The following CTNNA2 variants were observed in gnomAD, a reference collection of about 807,000 sequenced individuals.
The protein encoded by CTNNA2 is catenin alpha-2.
A neutral mutation model predicts 101.0 loss-of-function variants in CTNNA2; 42 were observed. The observed-to-expected ratio is 0.42, with a 90% CI of 0.32 to 0.54. The LOEUF (loss-of-function observed/expected upper bound fraction) is 0.54. Among genes scored for constraint, CTNNA2 ranks in the 20% least tolerant of loss-of-function variants. The pLI is 0.14. For missense variants in CTNNA2, 871 were observed against 1,223.1 expected (o/e 0.71, Z 4.29); for synonymous variants, 450 against 456.4 (o/e 0.99, Z 0.18).
intron 7 of CTNNA2, among the ~76,000 whole-genome samples, chr2:80,159,749 C>T (rs1480421453): frequency 2.0e-5 from 3 of 152,142 alleles, no homozygotes; most frequent in African/African-American, 7.2e-5. Flanking sequence ...GCTGGGATTA[C>T]AGGTGTGAGC....
intron 2 of CTNNA2, among the ~76,000 whole-genome samples, chr2:79,674,547 C>G (rs1683060823): frequency 6.6e-6 from 1 of 151,984 alleles, no homozygotes; most frequent in South Asian, 2.1e-4. Context: ...AATGAGAATA[C>G]CCTATTAGAT....
At chr2:80,328,329 G>GT (rs763035666) in intron 7 of CTNNA2, 34 of 471,000 alleles carry the variant, frequency 7.2e-5, no homozygotes, top group Non-Finnish European at 1.3e-4. Flanking sequence ...CCTTTCATGT[G>GT]GTGACTTCAA....
intron 8 of CTNNA2, among the ~76,000 whole-genome samples, chr2:80,406,198 A>G (rs1679038306): frequency 6.6e-6 from 1 of 152,168 alleles, no homozygotes; most frequent in Non-Finnish European, 1.5e-5. Context: ...TCTACTAAAA[A>G]TACAAAGTTA....
At chr2:79,267,115 A>C (rs1380155666) in intron 2 of CTNNA2, among the ~76,000 whole-genome samples, 2 of 151,986 alleles carry the variant, frequency 1.3e-5, no homozygotes, top group Admixed American at 1.3e-4. Flanking sequence ...GTGCTTGAGA[A>C]CCTTGAACCC....
At chr2:80,239,479 C>T (rs558034545) in intron 7 of CTNNA2, among the ~76,000 whole-genome samples, 2 of 152,174 alleles carry the variant, frequency 1.3e-5, no homozygotes, top group Non-Finnish European at 2.9e-5. Context: ...ACGGGGAATA[C>T]GTTCCAAGCC....
intron 7 of CTNNA2, among the ~76,000 whole-genome samples, chr2:80,384,953 A>G (rs1027927245): frequency 6.6e-6 from 1 of 152,138 alleles, no homozygotes; most frequent in Non-Finnish European, 1.5e-5. Context: ...GGAGGCATTT[A>G]TTAACTCATG....
rs192196679 is a variant in CTNNA2 at position 80,526,531 on chromosome 2, C to T, written c.1291-18451C>T. 3.1e-3 allele frequency among the ~76,000 whole-genome samples: 472 copies of T among 152,128 alleles called. 1 individual carries two copies. The highest frequency in any genetic ancestry group is 0.011 in the African/African-American group (443 of 41,502). On this transcript the variant is annotated intron_variant, in intron 9 of 18. Transcript: ENST00000402739. ...TATTTTTAGTAGAGATGGGGTTTCA[C>T]CATGTTGGCCAGGCTGGTCTCAAAC...
intron 7 of CTNNA2, among the ~76,000 whole-genome samples, chr2:80,374,882 G>T (rs1461166836): frequency 1.3e-5 from 2 of 152,194 alleles, no homozygotes; most frequent in East Asian, 3.9e-4. Flanking sequence ...ATTTGAGGAT[G>T]GGGGAGACAC....
At chr2:79,597,030 C>A (rs1677233868) in intron 1 of CTNNA2, among the ~76,000 whole-genome samples, 1 of 152,194 alleles carries the variant, frequency 6.6e-6, no homozygotes, top group South Asian at 2.1e-4. Context: ...CACAGAACTT[C>A]CACTGTTTGT....
intron 7 of CTNNA2, among the ~76,000 whole-genome samples, chr2:80,048,872 C>A (rs984019901): frequency 1.3e-5 from 2 of 152,064 alleles, no homozygotes; most frequent in Non-Finnish European, 2.9e-5. Context: ...GAGTGCACAG[C>A]AAGACTTGTG....
intron 3 of CTNNA2, among the ~76,000 whole-genome samples, chr2:79,810,926 A>T (rs946323264): frequency 6.6e-6 from 1 of 151,414 alleles, no homozygotes; most frequent in Non-Finnish European, 1.5e-5. Context: ...CCAGTCTATC[A>T]TTGTTGGACA....
chr2:80,303,946 A>C lies in CTNNA2; in HGVS notation c.1057-89265A>C. 5.3e-6 allele frequency: 6 copies of C among 1,132,396 alleles called. No homozygotes were observed. The South Asian group carries it at 1.4e-4, about 26-fold the overall frequency. The allele number at this position is 1,132,396 out of a possible 1,614,324, so 70.1% of individuals were successfully genotyped here. A position where few individuals can be genotyped will look rare whatever the true frequency, so the allele number is the denominator to read the frequency against. On this transcript the variant is annotated intron_variant, in intron 7 of 18. Coordinates refer to ENST00000402739, the MANE Select transcript of CTNNA2 (RefSeq NM_001282597.3). The surrounding 1 kb of genome is among the most constrained non-coding windows in gnomAD (Gnocchi z 7.7). ...GGAGAAAAGGGCAAAAAATCAAATA[A>C]ATACATAGAAATAAAGAAGGACCCC...
In CTNNA2 at chr2:80,544,976, A is replaced by G; in HGVS notation, c.1291-6A>G. ...CTAATATTCACTAAAATCCTCTTCA[A>G]TACAGGTTGCCAATTTGGCCTGTTC... is the stretch of plus-strand genomic sequence containing the variant. On this transcript the variant is annotated splice_polypyrimidine_tract_variant and splice_region_variant and intron_variant, in intron 9 of 18. Transcript: ENST00000402739. 1 of 1,613,670 alleles carries G rather than the reference A, an allele frequency of 6.2e-7. No homozygotes were observed. The highest frequency in any genetic ancestry group is 8.5e-7 in the Non-Finnish European group (1 of 1,179,718).
At chr2:80,314,367 G>T (rs550188411) in intron 7 of CTNNA2, among the ~76,000 whole-genome samples, 1 of 152,316 alleles carries the variant, frequency 6.6e-6, no homozygotes, top group East Asian at 1.9e-4. Context: ...AGGAATACCA[G>T]TTTGCAGAGC....
intron 3 of CTNNA2, among the ~76,000 whole-genome samples, chr2:79,779,456 A>C (rs1674257563): frequency 6.6e-6 from 1 of 152,146 alleles, no homozygotes; most frequent in Admixed American, 6.5e-5. Context: ...TAGAGCATAT[A>C]AGTAGCAGAT....
At chr2:79,465,322 T>C (rs1670921164) in intron 4 of CTNNA2, among the ~76,000 whole-genome samples, 1 of 152,218 alleles carries the variant, frequency 6.6e-6, no homozygotes, top group South Asian at 2.1e-4. Context: ...TTGAGGGCTC[T>C]GTTCTGTTCC....
intron 15 of CTNNA2, among the ~76,000 whole-genome samples, chr2:80,599,298 TTC>T (rs1491353057): frequency 3.3e-5 from 5 of 152,168 alleles, no homozygotes; most frequent in African/African-American, 1.2e-4. Flanking sequence ...ATTACAGAAA[TTC>T]TGTTAAAATT....
chr2:79,814,301 A>G (rs749537834), intron 3 of CTNNA2, among the ~76,000 whole-genome samples: 5 of 152,126 alleles, frequency 3.3e-5, no homozygotes, highest in Admixed American at 6.6e-5. Flanking sequence ...TAAATTCTTT[A>G]GTGGTGATTT....
At chr2:79,419,729 C>G (rs949990369) in intron 4 of CTNNA2, among the ~76,000 whole-genome samples, 7 of 152,052 alleles carry the variant, frequency 4.6e-5, no homozygotes, top group Admixed American at 4.6e-4. Context: ...CATATAACTT[C>G]GTAGTGTGAG....
Sources: allele counts gnomAD v4.1 joint callset (sites outside exome capture counted in the v4.1 genomes callset), GRCh38; gene constraint gnomAD v4.1.1; non-coding constraint Gnocchi (gnomAD v3.1); transcripts MANE v1.5; gene names NCBI Gene and HGNC (gene_info 2026-07-23, HGNC 2026-07-21).